The following QKI variants were observed in gnomAD, a reference collection of about 807,000 sequenced individuals.
QKI encodes the protein QKI, KH domain containing RNA binding, also known as KH domain-containing RNA-binding protein QKI.
A neutral mutation model predicts 39.0 loss-of-function variants in QKI; 10 were observed. The ratio of observed to expected loss-of-function variants is 0.26; its 90% confidence interval spans 0.16 to 0.43. QKI has a LOEUF of 0.43. QKI is among the 20% of genes least tolerant of loss of function. The pLI, the probability that QKI is intolerant of heterozygous loss-of-function variation, is 1.00. For missense variants in QKI, 218 were observed against 428.0 expected, an observed-to-expected ratio of 0.51 and a Z score of 4.33; for synonymous variants, 204 against 155.4, an observed-to-expected ratio of 1.31 and a Z score of -2.33.
chr6:163,552,345 A>G (rs1041362921), intron 4 of QKI, among the ~76,000 whole-genome samples: 4 of 150,576 alleles, frequency 2.7e-5, no homozygotes, highest in Non-Finnish European at 5.9e-5. Context: ...AGTAGCTGGG[A>G]CTACAGGTGC....
At chr6:163,449,226 A>G (rs577553883) in intron 1 of QKI, among the ~76,000 whole-genome samples, 5 of 152,184 alleles carry the variant, frequency 3.3e-5, no homozygotes, top group African/African-American at 4.8e-5. Flanking sequence ...AACTTACCTC[A>G]TAAAATGTAT....
intron 4 of QKI, among the ~76,000 whole-genome samples, chr6:163,544,601 C>T (rs781120941): frequency 7.9e-5 from 12 of 152,056 alleles, no homozygotes; most frequent in Non-Finnish European, 1.2e-4. Context: ...TTTGTATCTG[C>T]CCTTCAGAAA....
At chr6:163,473,448 T>A (rs1461712377) in intron 2 of QKI, among the ~76,000 whole-genome samples, 1 of 152,180 alleles carries the variant, frequency 6.6e-6, no homozygotes, top group Non-Finnish European at 1.5e-5. Context: ...TATGGTCATT[T>A]TTGAAATCAG....
At chr6:163,519,418 A>G (rs1780017775) in intron 3 of QKI, among the ~76,000 whole-genome samples, 1 of 152,032 alleles carries the variant, frequency 6.6e-6, no homozygotes, top group African/African-American at 2.4e-5. Context: ...GGCCTTAAAA[A>G]GAGTGGGTGT....
At position 163,564,294 on chromosome 6, in the gene QKI, A is replaced by G. The variant is rs1036626114; in HGVS notation, c.934+575A>G. ...GCAGTTTCATCATTTGGTGTACATC[A>G]TAGAGTGTACTTACACAGACATAGA... On this transcript the variant is annotated intron_variant, in intron 6 of 7. Transcript: ENST00000361752. The G allele has an allele frequency of 4.0e-6, 4 of 1,004,964 alleles. No homozygotes were observed. The South Asian group carries it at 1.4e-4, about 36-fold the overall frequency. 62.3% of individuals were successfully genotyped at this position (1,004,964 alleles called of 1,614,324 possible).
chr6:163,466,791 T>C (rs946453624), intron 2 of QKI, among the ~76,000 whole-genome samples: 2 of 152,124 alleles, frequency 1.3e-5, no homozygotes, highest in African/African-American at 4.8e-5. Context: ...CACTGAATTA[T>C]AAAGGTATTT....
intron 2 of QKI, among the ~76,000 whole-genome samples, chr6:163,466,409 C>G (rs1360808369): frequency 6.6e-6 from 1 of 150,742 alleles, no homozygotes; most frequent in Non-Finnish European, 1.5e-5. Context: ...TCCTAAAATT[C>G]ACGTGGAACC....
intron 3 of QKI, among the ~76,000 whole-genome samples, chr6:163,489,519 T>TTG (rs1777924385): frequency 1.3e-5 from 2 of 152,006 alleles, no homozygotes; most frequent in Non-Finnish European, 1.5e-5. Flanking sequence ...CAACTATTGT[T>TTG]TGTAGTGCGT....
chr6:163,565,077 T>C, intron 6 of QKI: 1 of 1,050,466 alleles, frequency 9.5e-7, no homozygotes, highest in Non-Finnish European at 1.1e-6. Context: ...TACATTTCAT[T>C]GTACATGTTT....
At chr6:163,480,259 T>G (rs6936152) in intron 3 of QKI, among the ~76,000 whole-genome samples, 22 of 149,470 alleles carry the variant, frequency 1.5e-4, no homozygotes, top group African/African-American at 5.4e-4. Flanking sequence ...GTCTGTCTCT[T>G]TCTCTCTCTC....
intron 2 of QKI, among the ~76,000 whole-genome samples, chr6:163,456,785 T>C (rs1234587542): frequency 1.3e-5 from 2 of 152,068 alleles, no homozygotes; most frequent in African/African-American, 2.4e-5. Context: ...AAAGGAATAG[T>C]TGGAAAACAA....
chr6:163,470,762 A>C (rs1218387980), intron 2 of QKI, among the ~76,000 whole-genome samples: 2 of 152,230 alleles, frequency 1.3e-5, no homozygotes, highest in Admixed American at 6.5e-5. Flanking sequence ...GGTGGGTTTA[A>C]CAGAAGATTA....
At chr6:163,498,599 CCT>C (rs2128230788) in intron 3 of QKI, among the ~76,000 whole-genome samples, 1 of 151,746 alleles carries the variant, frequency 6.6e-6, no homozygotes, top group African/African-American at 2.4e-5. Flanking sequence ...TGTCTGTCTC[CCT>C]CTTTCCCTCC....
At chr6:163,457,029 G>A (rs1443255114) in intron 2 of QKI, among the ~76,000 whole-genome samples, 2 of 152,102 alleles carry the variant, frequency 1.3e-5, no homozygotes, top group Admixed American at 1.3e-4. Flanking sequence ...TAGGTATTAG[G>A]ATTATTCCTA....
intron 1 of QKI, among the ~76,000 whole-genome samples, chr6:163,422,792 TTAAG>T (rs1291046882): frequency 5.9e-5 from 9 of 152,178 alleles, no homozygotes; most frequent in Non-Finnish European, 1.0e-4. Context: ...GTAGCTGGCC[TTAAG>T]TAAGCACCTC....
chr6:163,428,894 T>G (rs376428101), intron 1 of QKI: 5 of 152,330 alleles, frequency 3.3e-5, no homozygotes, highest in African/African-American at 1.2e-4. Flanking sequence ...CCTTTGTAAC[T>G]GATAATAACT....
intron 2 of QKI, among the ~76,000 whole-genome samples, chr6:163,458,636 A>G (rs1201589014): frequency 6.6e-6 from 1 of 152,006 alleles, no homozygotes; most frequent in Admixed American, 6.5e-5. Flanking sequence ...TCTGAAACTG[A>G]TATGAGAAGA....
At chr6:163,463,362 G>A (rs1177600562) in intron 2 of QKI, among the ~76,000 whole-genome samples, 2 of 152,112 alleles carry the variant, frequency 1.3e-5, no homozygotes, top group Admixed American at 6.5e-5. Context: ...GTGGTGTTTC[G>A]AGGATTAAGT....
At chr6:163,478,152 A>C (rs1291498091) in intron 2 of QKI, among the ~76,000 whole-genome samples, 1 of 152,060 alleles carries the variant, frequency 6.6e-6, no homozygotes, top group African/African-American at 2.4e-5. Context: ...TTTATTGTAC[A>C]GTTTTTAATT....
Sources: allele counts gnomAD v4.1 joint callset (sites outside exome capture counted in the v4.1 genomes callset), GRCh38; gene constraint gnomAD v4.1.1; transcripts MANE v1.5; gene names NCBI Gene and HGNC (gene_info 2026-07-23, HGNC 2026-07-21).